Variants in PTPRD observed in about 807,000 individuals in gnomAD.
PTPRD encodes the protein receptor-type tyrosine-protein phosphatase delta.
PTPRD carries 34 observed loss-of-function variants against 214.5 expected under a neutral mutation model. That is an observed-to-expected ratio of 0.16 (90% confidence interval 0.12 to 0.21). The LOEUF is 0.21. PTPRD is among the 10% of genes least tolerant of loss of function. The pLI is 1.00. For missense variants in PTPRD, 2,545 were observed against 2,398.7 expected, an observed-to-expected ratio of 1.06 and a Z score of -1.27; for synonymous variants, 1,128 against 845.7, an observed-to-expected ratio of 1.33 and a Z score of -5.79.
intron 10 of PTPRD, among the ~76,000 whole-genome samples, chr9:9,160,693 G>A (rs997134895): frequency 1.3e-5 from 2 of 152,086 alleles, no homozygotes; most frequent in African/African-American, 4.8e-5. Context: ...TACATTCAAA[G>A]GAATTAAAAC....
intron 3 of PTPRD, among the ~76,000 whole-genome samples, chr9:10,263,622 G>A (rs1243140284): frequency 3.9e-5 from 6 of 152,116 alleles, no homozygotes. Flanking sequence ...GCAACAAAGT[G>A]TTCAAGAGGA....
chr9:9,599,840 T>G (rs2093623901), intron 7 of PTPRD, among the ~76,000 whole-genome samples: 3 of 152,054 alleles, frequency 2.0e-5, no homozygotes, highest in Admixed American at 2.0e-4. Flanking sequence ...ATCTAGTTAT[T>G]AGTCAAATAA....
intron 39 of PTPRD, among the ~76,000 whole-genome samples, chr9:8,373,246 G>A (rs1249042895): frequency 6.6e-6 from 1 of 151,882 alleles, no homozygotes; most frequent in Non-Finnish European, 1.5e-5. Context: ...TTTTAACTTG[G>A]CTTGTATTCA....
At chr9:9,983,661 C>G (rs2095616197) in intron 4 of PTPRD, among the ~76,000 whole-genome samples, 1 of 152,338 alleles carries the variant, frequency 6.6e-6, no homozygotes, top group African/African-American at 2.4e-5. Context: ...TACACTCTCT[C>G]TACTTCAATT....
chr9:9,328,921 AG>A (rs1375831090), intron 9 of PTPRD, among the ~76,000 whole-genome samples: 3 of 151,970 alleles, frequency 2.0e-5, no homozygotes, highest in Non-Finnish European at 4.4e-5. Flanking sequence ...TACAGGAGTG[AG>A]CCACCGCGCC....
At chr9:8,950,421 G>A (rs2099095154) in intron 11 of PTPRD, among the ~76,000 whole-genome samples, 1 of 150,420 alleles carries the variant, frequency 6.6e-6, no homozygotes, top group Admixed American at 6.6e-5. Context: ...CAGTTGAGAA[G>A]AAAGCTGTGG....
intron 11 of PTPRD, among the ~76,000 whole-genome samples, chr9:8,811,708 T>C (rs1258194951): frequency 6.6e-6 from 1 of 152,218 alleles, no homozygotes; most frequent in East Asian, 1.9e-4. Context: ...TTCATATCAC[T>C]GAAAAAGTCT....
At chr9:8,851,083 C>A (rs1170804744) in intron 11 of PTPRD, among the ~76,000 whole-genome samples, 1 of 151,938 alleles carries the variant, frequency 6.6e-6, no homozygotes, top group African/African-American at 2.4e-5. Flanking sequence ...AGAGCAAACC[C>A]CACAACTGGC....
chr9:10,053,016 G>A (rs1190080723), intron 3 of PTPRD, among the ~76,000 whole-genome samples: 2 of 152,070 alleles, frequency 1.3e-5, no homozygotes, highest in African/African-American at 4.8e-5. Context: ...TGTAAGATGT[G>A]CATAATGCAT....
At chr9:8,338,558 A>G (rs1849200211) in intron 43 of PTPRD, among the ~76,000 whole-genome samples, 2 of 152,136 alleles carry the variant, frequency 1.3e-5, no homozygotes, top group Non-Finnish European at 2.9e-5. Context: ...ACATATTTAG[A>G]GCCTCAAGTA....
At chr9:8,912,295 T>A (rs1385786699) in intron 11 of PTPRD, among the ~76,000 whole-genome samples, 2 of 152,156 alleles carry the variant, frequency 1.3e-5, no homozygotes, top group Non-Finnish European at 2.9e-5. Flanking sequence ...ATGTTATATA[T>A]ACTTGGAATG....
intron 8 of PTPRD, among the ~76,000 whole-genome samples, chr9:9,456,012 A>G (rs2092945180): frequency 6.6e-6 from 1 of 151,846 alleles, no homozygotes; most frequent in Non-Finnish European, 1.5e-5. Context: ...TTATTGATAA[A>G]TGTTGCCAAA....
chr9:8,341,220 G>C lies in PTPRD; in HGVS notation c.4996C>G (p.Leu1666Val), dbSNP rs1175706111. ...AHTSRFISAN[L>V]PCNKFKNRLV... Reference sequence around the variant, plus strand: ...CGATTTTTGAATTTATTACATGGAAGATTGGCACTGATAAACCTTGAGGTG... The same window carrying C: ...CGATTTTTGAATTTATTACATGGAACATTGGCACTGATAAACCTTGAGGTG... The change falls in exon 41 of 46, where the codon CTT (leucine) becomes GTT (valine). Residue 1666 changes from leucine to valine, a missense_variant. Transcript: ENST00000381196. The C allele has an allele frequency of 6.2e-7, 1 of 1,612,670 alleles. No homozygotes were observed. The highest frequency in any genetic ancestry group is 8.5e-7 in the Non-Finnish European group (1 of 1,179,306).
At chr9:9,491,623 T>G (rs904737490) in intron 8 of PTPRD, among the ~76,000 whole-genome samples, 11 of 151,980 alleles carry the variant, frequency 7.2e-5, no homozygotes, top group African/African-American at 2.7e-4. Flanking sequence ...ATTTAGAAGT[T>G]AAAAACACAA....
At chr9:9,656,868 GAT>G (rs113691095) in intron 7 of PTPRD, among the ~76,000 whole-genome samples, 19 of 148,086 alleles carry the variant, frequency 1.3e-4, no homozygotes, top group Admixed American at 2.7e-4. Context: ...AATAGGAAAA[GAT>G]ATATATATAT....
intron 9 of PTPRD, among the ~76,000 whole-genome samples, chr9:9,286,873 AAT>A (rs34631864): frequency 3.2e-4 from 25 of 77,002 alleles, no homozygotes; most frequent in Non-Finnish European, 5.0e-4. Context: ...GAAACTACTG[AAT>A]ATATATATAT....
intron 35 of PTPRD, among the ~76,000 whole-genome samples, chr9:8,432,076 A>T (rs1255887004): frequency 6.6e-6 from 1 of 152,214 alleles, no homozygotes; most frequent in Non-Finnish European, 1.5e-5. Context: ...CAACCAAATG[A>T]TCTGTAGGCG....
rs369657504 is a variant in PTPRD, at chr9:8,453,373, T to C, written c.3876-3536A>G. Among the ~76,000 whole-genome samples, 20 of 152,108 alleles carry C rather than the reference T, an allele frequency of 1.3e-4. 1 individual carries two copies. The East Asian group carries it at 2.5e-3, about 19-fold the overall frequency. Reference sequence around the variant, plus strand: ...TAGAGATGTGGTTTCGCCGTGTTAGTCAGGATGGTCTCGATCTCCTGACCT... The same window carrying C: ...TAGAGATGTGGTTTCGCCGTGTTAGCCAGGATGGTCTCGATCTCCTGACCT... On this transcript the variant is annotated intron_variant, in intron 33 of 45. Transcript: ENST00000381196.
intron 35 of PTPRD, among the ~76,000 whole-genome samples, chr9:8,416,669 A>G (rs1248376803): frequency 6.6e-6 from 1 of 152,156 alleles, no homozygotes; most frequent in African/African-American, 2.4e-5. Context: ...TGAAGGGCCA[A>G]CACAAGACTA....
Sources: allele counts gnomAD v4.1 joint callset (sites outside exome capture counted in the v4.1 genomes callset), GRCh38; gene constraint gnomAD v4.1.1; transcripts MANE v1.5; gene names NCBI Gene and HGNC (gene_info 2026-07-23, HGNC 2026-07-21).